The following NAA35 variants were observed in gnomAD, a reference collection of about 807,000 sequenced individuals.
The protein encoded by NAA35 is N-alpha-acetyltransferase 35, NatC auxiliary subunit, also known as MAK10 homolog, amino-acid N-acetyltransferase subunit.
A neutral mutation model predicts 101.7 loss-of-function variants in NAA35; 18 were observed. The ratio of observed to expected loss-of-function variants is 0.18; its 90% confidence interval spans 0.12 to 0.26. NAA35 has a LOEUF of 0.26. Ranked by LOEUF, NAA35 falls within the 10% of genes least tolerant of loss-of-function variation. The pLI, the probability that NAA35 is intolerant of heterozygous loss-of-function variation, is 1.00. For synonymous variants in NAA35, 267 were observed against 273.1 expected, an observed-to-expected ratio of 0.98 and a Z score of 0.22; for missense variants, 601 against 886.8, an observed-to-expected ratio of 0.68 and a Z score of 4.09.
At chr9:86,020,850 T>A (rs372510163) in intron 21 of NAA35, 39 bp from the exon 22 acceptor site, 5 of 1,499,000 alleles carry the variant, frequency 3.3e-6, no homozygotes, top group Non-Finnish European at 4.6e-6. Context: ...ATTTTGACTA[T>A]GAAGTTAATG....
At chr9:85,958,886 T>C (rs1829387923) in intron 4 of NAA35, among the ~76,000 whole-genome samples, 1 of 152,162 alleles carries the variant, frequency 6.6e-6, no homozygotes, top group Non-Finnish European at 1.5e-5. Flanking sequence ...TATTAATATA[T>C]TCATATATAA....
chr9:85,963,767 A>G (rs1333163567), intron 6 of NAA35, among the ~76,000 whole-genome samples: 6 of 152,144 alleles, frequency 3.9e-5, no homozygotes, highest in Admixed American at 3.9e-4. Flanking sequence ...AGGCCATCAA[A>G]ATCAATGGGG....
intron 12 of NAA35, among the ~76,000 whole-genome samples, chr9:85,998,116 G>A (rs1422605023): frequency 2.0e-5 from 3 of 151,974 alleles, no homozygotes; most frequent in Admixed American, 6.6e-5. Context: ...GGGTTTCATC[G>A]TGTTAGCCAG....
intron 14 of NAA35, among the ~76,000 whole-genome samples, chr9:86,009,178 T>C (rs932473194): frequency 2.0e-5 from 3 of 152,224 alleles, no homozygotes; most frequent in African/African-American, 7.2e-5. Flanking sequence ...TTTAAAGCTT[T>C]TAAAGAGCCT....
At chr9:85,998,673 A>G (rs1437506576) in intron 12 of NAA35, among the ~76,000 whole-genome samples, 1 of 152,216 alleles carries the variant, frequency 6.6e-6, no homozygotes, top group African/African-American at 2.4e-5. Flanking sequence ...GACAGCAGAA[A>G]AGCTTTTTAA....
intron 6 of NAA35, among the ~76,000 whole-genome samples, chr9:85,969,616 C>T (rs73650297): frequency 0.025 from 3,842 of 152,168 alleles, 147 homozygotes; most frequent in African/African-American, 0.088. Flanking sequence ...TCATCTTCTG[C>T]ACATACCTTA....
chr9:85,980,435 C>T (rs1430476069), intron 11 of NAA35, among the ~76,000 whole-genome samples: 2 of 152,080 alleles, frequency 1.3e-5, no homozygotes, highest in African/African-American at 4.8e-5. Flanking sequence ...ATCAGTCATT[C>T]GCATATCAAA....
At position 86,004,507 on chromosome 9, in the gene NAA35, A is replaced by G. The variant is rs555472087; in HGVS notation, c.1116+863A>G. 1.7e-4 allele frequency among the ~76,000 whole-genome samples: 26 copies of G among 152,268 alleles called. 1 individual carries two copies. In the South Asian group the frequency reaches 4.8e-3, roughly 28 times the overall value. On this transcript the variant is annotated intron_variant, in intron 13 of 22. Transcript: ENST00000361671. ...AAAAAAAGTCTACGGTTAGTAATTTAAGCTACCACTGTATGAAACCAGAAA... is the reference window on the plus strand; with the variant it reads ...AAAAAAAGTCTACGGTTAGTAATTTGAGCTACCACTGTATGAAACCAGAAA...
chr9:86,003,043 G>A (rs1408028912), intron 12 of NAA35, among the ~76,000 whole-genome samples: 1 of 152,126 alleles, frequency 6.6e-6, no homozygotes. Flanking sequence ...ACTGGGCCGA[G>A]GCTTTCTGTA....
chr9:85,992,523 C>T (rs1157359272), intron 11 of NAA35, among the ~76,000 whole-genome samples: 5 of 152,134 alleles, frequency 3.3e-5, no homozygotes, highest in Non-Finnish European at 7.4e-5. Context: ...GTAAGATCCT[C>T]ATTTTGCTGA....
intron 6 of NAA35, among the ~76,000 whole-genome samples, chr9:85,968,122 C>T (rs1829842891): frequency 6.6e-6 from 1 of 152,154 alleles, no homozygotes; most frequent in Non-Finnish European, 1.5e-5. Context: ...ACCCTTTCTG[C>T]TTTAGTTCGT....
intron 18 of NAA35, 33 bp from the exon 19 acceptor site, chr9:86,017,465 T>A (rs1205333451): frequency 1.1e-5 from 17 of 1,601,822 alleles, no homozygotes; most frequent in Non-Finnish European, 1.4e-5. Flanking sequence ...AGGAAAAGAT[T>A]ATGGAAGATT....
chr9:85,964,728 T>C (rs1024121395), intron 6 of NAA35, among the ~76,000 whole-genome samples: 4 of 152,224 alleles, frequency 2.6e-5, no homozygotes, highest in African/African-American at 9.6e-5. Flanking sequence ...GATTGTGCAA[T>C]CTTGGCTGGA....
Position 86,021,814 on chromosome 9 carries a change from G to A in NAA35, c.2119-87G>A, listed in dbSNP as rs1160345562. 5 of 1,129,448 alleles carry A rather than the reference G, an allele frequency of 4.4e-6. No homozygotes were observed. The Admixed American group carries it at 9.0e-5, about 20-fold the overall frequency. 70.0% of individuals were successfully genotyped at this position (1,129,448 alleles called of 1,614,324 possible). A position where few individuals can be genotyped will look rare whatever the true frequency, so the allele number is the denominator to read the frequency against. On this transcript the variant is annotated intron_variant, in intron 22 of 22. Coordinates refer to ENST00000361671, the MANE Select transcript of NAA35 (RefSeq NM_024635.4). ...TGCTGCCTTGTTTCTAAGAACACAA[G>A]AAACTCTAAAATAAAAATAGTCTTT... is the stretch of plus-strand genomic sequence containing the variant.
intron 11 of NAA35, among the ~76,000 whole-genome samples, chr9:85,979,690 C>T (rs975126364): frequency 6.6e-6 from 1 of 152,190 alleles, no homozygotes; most frequent in Non-Finnish European, 1.5e-5. Flanking sequence ...GTTAGATATT[C>T]TCCCTGTTTT....
At chr9:85,954,121 C>G (rs1829137955) in intron 2 of NAA35, among the ~76,000 whole-genome samples, 1 of 152,114 alleles carries the variant, frequency 6.6e-6, no homozygotes, top group South Asian at 2.1e-4. Context: ...CACTCTGTCA[C>G]CCAGGCCGGA....
intron 6 of NAA35, among the ~76,000 whole-genome samples, chr9:85,963,513 C>T (rs1311569511): frequency 1.3e-5 from 2 of 151,850 alleles, no homozygotes; most frequent in Admixed American, 6.6e-5. Context: ...AGGTGATCCA[C>T]CTGCCTCAGC....
At chr9:85,955,684 T>C (rs148329744) in intron 2 of NAA35, among the ~76,000 whole-genome samples, 1 of 152,074 alleles carries the variant, frequency 6.6e-6, no homozygotes, top group Non-Finnish European at 1.5e-5. Context: ...TTAATCTACT[T>C]AGCATGTTAT....
chr9:85,941,959 C>A, intron 1 of NAA35, 196 bp from the exon 2 acceptor site: 1 of 1,246,488 alleles, frequency 8.0e-7, no homozygotes, highest in Non-Finnish European at 1.0e-6. Flanking sequence ...TAATAGTAAG[C>A]AGCAGGAGTG....
Sources: gnomAD v4.1 joint callset for allele counts (sites outside exome capture counted in the v4.1 genomes callset) on GRCh38, gnomAD v4.1.1 for gene constraint, MANE v1.5 for transcripts, NCBI Gene and HGNC (gene_info 2026-07-23, HGNC 2026-07-21) for gene names.